Variants in PTPRO observed in about 807,000 individuals in gnomAD.
PTPRO encodes the protein receptor-type tyrosine-protein phosphatase O.
In PTPRO, 62 loss-of-function variants were observed where a neutral mutation model predicts 145.2. The ratio of observed to expected loss-of-function variants is 0.43; its 90% CI spans 0.35 to 0.53. PTPRO has a LOEUF of 0.53. PTPRO is among the 20% of genes least tolerant of loss of function. PTPRO has a pLI of 0.01. For synonymous variants in PTPRO, 565 were observed against 514.7 expected, an observed-to-expected ratio of 1.10 and a Z score of -1.32; for missense variants, 1,345 against 1,482.7, an observed-to-expected ratio of 0.91 and a Z score of 1.53.
At chr12:15,507,056 A>C (rs1942335185) in intron 6 of PTPRO, among the ~76,000 whole-genome samples, 1 of 152,104 alleles carries the variant, frequency 6.6e-6, no homozygotes, top group Non-Finnish European at 1.5e-5. Flanking sequence ...CTCTATCTCT[A>C]CCTCAGTTTT....
At chr12:15,429,025 A>G (rs912753277) in intron 1 of PTPRO, among the ~76,000 whole-genome samples, 1 of 152,200 alleles carries the variant, frequency 6.6e-6, no homozygotes, top group South Asian at 2.1e-4. Flanking sequence ...ATTACTTCTC[A>G]GCATTCCTGT....
chr12:15,410,468 T>G (rs1343694086), intron 1 of PTPRO: 1 of 152,230 alleles, frequency 6.6e-6, no homozygotes, highest in East Asian at 1.9e-4. Flanking sequence ...ATCTATCTTC[T>G]TCTGCCTTTG....
chr12:15,392,720 CAAAAAAAAA>C (rs1177789187), intron 1 of PTPRO, among the ~76,000 whole-genome samples: 2 of 66,684 alleles, frequency 3.0e-5, no homozygotes, highest in Non-Finnish European at 2.7e-5. Context: ...GACCCTGTCT[CAAAAAAAAA>C]AAAAAAAAAA....
At chr12:15,578,709 A>C in intron 19 of PTPRO, 144 bp from the exon 20 acceptor site, 1 of 692,630 alleles carries the variant, frequency 1.4e-6, no homozygotes, top group Non-Finnish European at 2.6e-6. Context: ...CAAGTTGATG[A>C]TAGTGGGGTG....
intron 1 of PTPRO, among the ~76,000 whole-genome samples, chr12:15,409,981 C>T (rs1361902759): frequency 6.6e-6 from 1 of 152,102 alleles, no homozygotes; most frequent in East Asian, 1.9e-4. Flanking sequence ...CCAGTAGGGA[C>T]CTCTAGATTT....
At chr12:15,367,840 T>G (rs1444091987) in intron 1 of PTPRO, among the ~76,000 whole-genome samples, 1 of 152,154 alleles carries the variant, frequency 6.6e-6, no homozygotes, top group African/African-American at 2.4e-5. Flanking sequence ...CGGGCTGTTG[T>G]TGGGATAACC....
In PTPRO at chr12:15,404,515, C is replaced by T. The variant is rs577243095; in HGVS notation, c.76-79459C>T. Among the ~76,000 whole-genome samples the T allele has an allele frequency of 1.6e-4, 25 of 152,196 alleles. No individual in the cohort carries two copies. In the South Asian group the frequency reaches 5.2e-3, roughly 32 times the overall value. On this transcript the variant is annotated intron_variant, in intron 1 of 26. Transcript: ENST00000281171. ...ATCAGAGGAATAATATTATAATCAACTTGTGTATTAAAAATGTCTCCACTT... is the reference window on the plus strand; with the variant it reads ...ATCAGAGGAATAATATTATAATCAATTTGTGTATTAAAAATGTCTCCACTT...
At chr12:15,429,900 G>C (rs528673724) in intron 1 of PTPRO, among the ~76,000 whole-genome samples, 1 of 152,030 alleles carries the variant, frequency 6.6e-6, no homozygotes, top group African/African-American at 2.4e-5. Flanking sequence ...AAAGAGTGAA[G>C]GTAAGAGAGG....
At chr12:15,537,223 T>A (rs1943084298) in intron 12 of PTPRO, among the ~76,000 whole-genome samples, 1 of 152,154 alleles carries the variant, frequency 6.6e-6, no homozygotes, top group African/African-American at 2.4e-5. Flanking sequence ...GAGCTTGGAT[T>A]CAGTGAAGAC....
chr12:15,375,928 A>G (rs1938673978), intron 1 of PTPRO, among the ~76,000 whole-genome samples: 2 of 152,214 alleles, frequency 1.3e-5, no homozygotes, highest in South Asian at 2.1e-4. Context: ...ACTTTAAGAC[A>G]GGTCAACTGA....
chr12:15,399,059 G>A (rs532757780), intron 1 of PTPRO, among the ~76,000 whole-genome samples: 38 of 152,254 alleles, frequency 2.5e-4, no homozygotes, highest in Admixed American at 7.8e-4. Flanking sequence ...GTTGAAATTG[G>A]CCCCAAATGA....
chr12:15,535,118 T>C (rs1358764656), intron 12 of PTPRO, among the ~76,000 whole-genome samples: 5 of 152,192 alleles, frequency 3.3e-5, no homozygotes, highest in African/African-American at 1.2e-4. Flanking sequence ...TTGAGATGAC[T>C]AGTAAAACTA....
rs75131318 is a variant in PTPRO, at chr12:15,479,579, C to G, written c.76-4395C>G. On this transcript the variant is annotated intron_variant, in intron 1 of 26. Transcript: ENST00000281171. The stretch of plus-strand genomic sequence containing the variant: ...GAGGAGGTTGTAGGTGGGGCAAAGC[C>G]CATCTCATCTCTTCATCTAAGTCAG... Among the ~76,000 whole-genome samples the G allele has an allele frequency of 2.3e-3, 353 of 152,278 alleles. 1 individual carries two copies. Among genetic ancestry groups the G allele is most frequent in the African/African-American group, 8.1e-3 (335 of 41,558 alleles).
chr12:15,471,671 G>T (rs772239076), intron 1 of PTPRO, among the ~76,000 whole-genome samples: 3 of 152,126 alleles, frequency 2.0e-5, no homozygotes, highest in Non-Finnish European at 2.9e-5. Flanking sequence ...AAGGGCAAAG[G>T]CTCCTAACTC....
intron 1 of PTPRO, among the ~76,000 whole-genome samples, chr12:15,452,227 T>C (rs1407287450): frequency 6.6e-6 from 1 of 152,096 alleles, no homozygotes; most frequent in African/African-American, 2.4e-5. Flanking sequence ...TTTATGTGCA[T>C]AAATTAGAAA....
chr12:15,495,909 A>G (rs1458551875), intron 2 of PTPRO, among the ~76,000 whole-genome samples: 3 of 152,100 alleles, frequency 2.0e-5, no homozygotes, highest in Non-Finnish European at 4.4e-5. Context: ...CAGGACAAGA[A>G]AGGGGGGAAG....
intron 10 of PTPRO, among the ~76,000 whole-genome samples, chr12:15,520,795 C>T (rs971745009): frequency 3.3e-5 from 5 of 152,002 alleles, no homozygotes; most frequent in Non-Finnish European, 7.4e-5. Flanking sequence ...ATAGACCCTC[C>T]GCATACCACA....
chr12:15,479,014 T>TCATCAC (rs1360265479), intron 1 of PTPRO, among the ~76,000 whole-genome samples: 4 of 152,114 alleles, frequency 2.6e-5, no homozygotes, highest in Non-Finnish European at 5.9e-5. Flanking sequence ...TCATCTTCAC[T>TCATCAC]CTTCACCTTC....
chr12:15,412,000 G>A (rs1001243589), intron 1 of PTPRO, among the ~76,000 whole-genome samples: 1 of 152,156 alleles, frequency 6.6e-6, no homozygotes, highest in Admixed American at 6.5e-5. Context: ...CATCTACCAA[G>A]ATCATTTACC....
Sources: allele counts gnomAD v4.1 joint callset (sites outside exome capture counted in the v4.1 genomes callset), GRCh38; gene constraint gnomAD v4.1.1; transcripts MANE v1.5; gene names NCBI Gene and HGNC (gene_info 2026-07-23, HGNC 2026-07-21).